CALM2: variants seen among roughly 807,000 people sequenced by gnomAD.
CALM2 encodes calmodulin-2.
A neutral mutation model predicts 19.8 loss-of-function variants in CALM2; 2 were observed. That is an observed-to-expected ratio of 0.10 (90% confidence interval 0.04 to 0.32). The LOEUF is 0.32. Ranked by LOEUF, CALM2 falls within the 10% of genes least tolerant of loss-of-function variation. The pLI is 1.00. For missense variants in CALM2, 38 were observed against 178.7 expected, an observed-to-expected ratio of 0.21 and a Z score of 4.49; for synonymous variants, 51 against 52.1, an observed-to-expected ratio of 0.98 and a Z score of 0.09.
chr2:47,175,187 C>A (rs371203193), intron 1 of CALM2, among the ~76,000 whole-genome samples: 1 of 148,472 alleles, frequency 6.7e-6, no homozygotes, highest in Non-Finnish European at 1.5e-5. Flanking sequence ...TCTTCCATCA[C>A]AGTATTTGAC....
chr2:47,164,531 A>T (rs1573218655), intron 2 of CALM2, among the ~76,000 whole-genome samples: 1 of 151,544 alleles, frequency 6.6e-6, no homozygotes, highest in Non-Finnish European at 1.5e-5. Context: ...CGAGAGGCGG[A>T]GGTTGCAGTG....
At chr2:47,174,503 C>A (rs1666780236) in intron 1 of CALM2, among the ~76,000 whole-genome samples, 1 of 152,100 alleles carries the variant, frequency 6.6e-6, no homozygotes, top group African/African-American at 2.4e-5. Context: ...TTTACTGTAT[C>A]TGTCACAAAT....
intron 2 of CALM2, among the ~76,000 whole-genome samples, chr2:47,168,626 G>C (rs56875665): frequency 0.14 from 21,613 of 151,938 alleles, 2,057 homozygotes; most frequent in African/African-American, 0.26. Flanking sequence ...CCAGCTACTC[G>C]GGAGACTGAA....
chr2:47,168,960 G>A (rs12988441), intron 2 of CALM2, among the ~76,000 whole-genome samples: 1 of 151,916 alleles, frequency 6.6e-6, no homozygotes, highest in African/African-American at 2.4e-5. Context: ...GTATTTTTAG[G>A]AGAGATGGGG....
intron 1 of CALM2, among the ~76,000 whole-genome samples, chr2:47,175,261 G>T (rs1189064817): frequency 6.6e-6 from 1 of 152,066 alleles, no homozygotes; most frequent in African/African-American, 2.4e-5. Flanking sequence ...ACGGAATTTA[G>T]GGGTCGTTTT....
chr2:47,174,858 T>C (rs1427908219), intron 1 of CALM2, among the ~76,000 whole-genome samples: 5 of 152,300 alleles, frequency 3.3e-5, no homozygotes, highest in East Asian at 1.9e-4. Flanking sequence ...AGAATAACAT[T>C]TGAAGCATCA....
intron 2 of CALM2, 127 bp downstream of exon 2, chr2:47,170,607 T>C: frequency 1.3e-6 from 1 of 780,608 alleles, no homozygotes; most frequent in Non-Finnish European, 2.3e-6. Context: ...TATTATATTA[T>C]ACCCATATGT....
At chr2:47,172,390 T>A (rs1666699329) in intron 1 of CALM2, 1 of 590,678 alleles carries the variant, frequency 1.7e-6, no homozygotes, top group African/African-American at 1.9e-5. Context: ...ACTTCATTTG[T>A]AGCACAAGAA....
Position 47,160,745 on chromosome 2 carries a change from C to T in CALM2, c.*31G>A. 7.6e-7 allele frequency: 1 copy of T among 1,321,982 alleles called. No individual in the cohort carries two copies. Among genetic ancestry groups the T allele is most frequent in the East Asian group, 2.6e-5 (1 of 38,706 alleles). 81.9% of individuals were successfully genotyped at this position (1,321,982 alleles called of 1,614,324 possible). A position where few individuals can be genotyped will look rare whatever the true frequency, so the allele number is the denominator to read the frequency against. On this transcript the variant is annotated 3_prime_UTR_variant, in exon 6 of 6. Coordinates refer to ENST00000272298, the MANE Select transcript of CALM2 (RefSeq NM_001743.6). ...GAAAAGGCAAATAAACAATTTTGTACAAGAAATTTAACACATTCTGTACAA... is the reference window on the plus strand; with the variant it reads ...GAAAAGGCAAATAAACAATTTTGTATAAGAAATTTAACACATTCTGTACAA...
intron 2 of CALM2, among the ~76,000 whole-genome samples, chr2:47,166,637 T>A (rs1666483380): frequency 1.3e-5 from 2 of 152,176 alleles, no homozygotes; most frequent in Non-Finnish European, 2.9e-5. Context: ...GAGTAAAAAA[T>A]ACCTGTAAAA....
intron 2 of CALM2, chr2:47,162,872 A>C (rs1687198656): frequency 4.2e-6 from 2 of 474,876 alleles, no homozygotes; most frequent in South Asian, 3.8e-5. Context: ...TAGCAATTGA[A>C]ATGTGACTTT....
At chr2:47,168,121 ATGT>A (rs1208619596) in intron 2 of CALM2, among the ~76,000 whole-genome samples, 1 of 152,130 alleles carries the variant, frequency 6.6e-6, no homozygotes, top group Non-Finnish European at 1.5e-5. Flanking sequence ...AATGATTACT[ATGT>A]GGCAGGTACC....
In CALM2 at chr2:47,161,703, C is replaced by T. The variant is rs1314554142; in HGVS notation, c.421+20G>A. On this transcript the variant is annotated intron_variant, in intron 5 of 5. Coordinates refer to ENST00000272298, the MANE Select transcript of CALM2 (RefSeq NM_001743.6). ...TTAAAAATCAAAGTGAAGAATGAGG[C>T]GTGAGACTGAAACATTTACCTTCAT... 6.9e-6 allele frequency: 11 copies of T among 1,600,620 alleles called. No individual in the cohort carries two copies. Among genetic ancestry groups the T allele is most frequent in the South Asian group, 2.2e-5 (2 of 89,048 alleles).
chr2:47,176,252 G>A lies in CALM2; in HGVS notation c.3+189C>T, dbSNP rs1373718194. ...TCAACTCACTAGAGGAAGCCCCCCT[G>A]AAGAGAATGGGGGTGGGGGAGCACC... On this transcript the variant is annotated intron_variant, in intron 1 of 5. Coordinates refer to ENST00000272298, the MANE Select transcript of CALM2 (RefSeq NM_001743.6). The A allele has an allele frequency of 6.2e-6, 4 of 646,434 alleles. No individual in the cohort carries two copies. In the East Asian group the frequency reaches 1.1e-4, roughly 18 times the overall value. The allele number at this position is 646,434 out of a possible 1,614,324, so 40.0% of individuals were successfully genotyped here.
rs561181367 is a variant in CALM2 at position 47,176,484 on chromosome 2, C to G, written c.-41G>C. Reference sequence around the variant, plus strand: ...GGTTTCCGAGACGCGACCACACAACCACTCAGCTCGCTCTCTCCACTCGGA... The same window carrying G: ...GGTTTCCGAGACGCGACCACACAACGACTCAGCTCGCTCTCTCCACTCGGA... On this transcript the variant is annotated 5_prime_UTR_variant, in exon 1 of 6. Transcript: ENST00000272298. The G allele has an allele frequency of 6.2e-7, 1 of 1,613,506 alleles. No homozygotes were observed. Among genetic ancestry groups the G allele is most frequent in the Non-Finnish European group, 8.5e-7 (1 of 1,179,856 alleles).
intron 1 of CALM2, chr2:47,172,497 T>A: frequency 8.2e-7 from 1 of 1,219,606 alleles, no homozygotes; most frequent in Non-Finnish European, 1.1e-6. Flanking sequence ...TCATATAAAT[T>A]AACAAAGAAC....
intron 1 of CALM2, chr2:47,172,354 G>A: frequency 2.1e-6 from 1 of 474,876 alleles, no homozygotes; most frequent in Non-Finnish European, 4.2e-6. Context: ...GTGTGACCTT[G>A]GACGTGGTAC....
chr2:47,171,857 G>GT (rs1666677945), intron 1 of CALM2: 2 of 151,798 alleles, frequency 1.3e-5, no homozygotes, highest in African/African-American at 4.8e-5. Context: ...CCTGGAAAAA[G>GT]TAACACCTTA....
chr2:47,168,401 G>A (rs1239921019), intron 2 of CALM2, among the ~76,000 whole-genome samples: 1 of 152,088 alleles, frequency 6.6e-6, no homozygotes, highest in Non-Finnish European at 1.5e-5. Flanking sequence ...AAGAGAACAG[G>A]TCCTGAATGT....
Sources: gnomAD v4.1 joint callset for allele counts (sites outside exome capture counted in the v4.1 genomes callset) on GRCh38, gnomAD v4.1.1 for gene constraint, MANE v1.5 for transcripts, NCBI Gene and HGNC (gene_info 2026-07-23, HGNC 2026-07-21) for gene names.